The following RPA1 variants were observed in gnomAD, a reference collection of about 807,000 sequenced individuals.
The protein encoded by RPA1 is replication protein A1, also known as replication protein A 70 kDa DNA-binding subunit.
Under a neutral mutation model 83.0 loss-of-function variants are expected in RPA1, and 49 were observed. The ratio of observed to expected loss-of-function variants is 0.59; its 90% confidence interval spans 0.47 to 0.75. The LOEUF is 0.75. Among genes scored for constraint, RPA1 ranks in the 30% least tolerant of loss-of-function variants. The pLI, the probability that RPA1 is intolerant of heterozygous loss-of-function variation, is 0.00. For synonymous variants in RPA1, 279 were observed against 281.8 expected (o/e 0.99, Z 0.10); for missense variants, 693 against 776.1 (o/e 0.89, Z 1.27).
chr17:1,839,788 G>GTTTTTTTTTTTTTTTTTTTTTTTTT (rs71150821), intron 1 of RPA1, among the ~76,000 whole-genome samples: 1 of 68,952 alleles, frequency 1.5e-5, no homozygotes, highest in Non-Finnish European at 2.8e-5. Flanking sequence ...CGCCCAGCTA[G>GTTTTTTTTTTTTTTTTTTTTTTTTT]TTTTTTTTTT....
At chr17:1,841,986 T>C (rs1444195278) in intron 1 of RPA1, among the ~76,000 whole-genome samples, 3 of 152,098 alleles carry the variant, frequency 2.0e-5, no homozygotes, top group African/African-American at 7.2e-5. Context: ...ATATTATCCA[T>C]TTTATATAGT....
chr17:1,887,559 G>GAA (rs961322361), intron 13 of RPA1, among the ~76,000 whole-genome samples: 1 of 119,988 alleles, frequency 8.3e-6, no homozygotes. Context: ...CTCCGTCTCA[G>GAA]AAAAAAAAAA....
chr17:1,858,906 T>TA (rs1165515270), intron 5 of RPA1, among the ~76,000 whole-genome samples: 3 of 81,312 alleles, frequency 3.7e-5, no homozygotes, highest in African/African-American at 1.2e-4. Context: ...TTTATTTTAT[T>TA]TTTTTTTTTT....
intron 1 of RPA1, among the ~76,000 whole-genome samples, chr17:1,832,729 C>CTG (rs1169896341): frequency 6.6e-6 from 1 of 152,106 alleles, no homozygotes; most frequent in East Asian, 1.9e-4. Context: ...AGATACTAAA[C>CTG]TGTTTCTTTT....
chr17:1,877,127 C>A, intron 7 of RPA1, 85 bp from the exon 8 acceptor site: 1 of 1,285,510 alleles, frequency 7.8e-7, no homozygotes, highest in Non-Finnish European at 1.1e-6. Context: ...ATGCGTAAGA[C>A]GAGAAAGGCT....
rs57509401 is a variant in RPA1, at chr17:1,862,194, A to ATTT, written c.361+9028_361+9030dup. ...GGCGTGAGCCACCGCCCCCAACCGT[A>ATTT]TTTTTTTTTTTTTTTTTTTTTTTTT... On this transcript the variant is annotated intron_variant, in intron 5 of 16. Coordinates refer to ENST00000254719, the MANE Select transcript of RPA1 (RefSeq NM_002945.5). 3.8e-3 allele frequency among the ~76,000 whole-genome samples: 353 copies of ATTT among 93,126 alleles called. 1 individual carries two copies. The highest frequency in any genetic ancestry group is 9.0e-3 in the African/African-American group (174 of 19,342). The allele number at this position is 93,126 out of a possible 152,430, so 61.1% of individuals were successfully genotyped here.
chr17:1,844,652 C>T lies in RPA1; in HGVS notation c.238C>T (p.His80Tyr), dbSNP rs766103262. The T allele has an allele frequency of 6.2e-7, 1 of 1,613,612 alleles. No homozygotes were observed. Among genetic ancestry groups the T allele is most frequent in the East Asian group, 2.2e-5 (1 of 44,874 alleles). Residue 80 changes from histidine (H) to tyrosine (Y), a missense_variant, in exon 4 of 17, where the codon CAC becomes TAC. His to Tyr is a moderately conservative substitution (Grantham distance 83). Coordinates refer to ENST00000254719, the MANE Select transcript of RPA1 (RefSeq NM_002945.5). Reference protein sequence around the residue: ...QLSSNCVCQIHRFIVNTLKDG... With the variant: ...QLSSNCVCQIYRFIVNTLKDG... The stretch of plus-strand genomic sequence containing the variant: ...GTCCAGCAACTGTGTATGCCAGATT[C>T]ACAGATTTATTGTGAACACTCTGAA...
chr17:1,854,478 C>T (rs1473646179), intron 5 of RPA1, among the ~76,000 whole-genome samples: 1 of 152,094 alleles, frequency 6.6e-6, no homozygotes, highest in Non-Finnish European at 1.5e-5. Flanking sequence ...GGTGGAAGAA[C>T]TGCTTTGAGT....
At chr17:1,858,632 T>A (rs1211142694) in intron 5 of RPA1, among the ~76,000 whole-genome samples, 3 of 150,966 alleles carry the variant, frequency 2.0e-5, no homozygotes, top group African/African-American at 4.9e-5. Flanking sequence ...CCTGGCTAAT[T>A]TTTTATATTT....
intron 12 of RPA1, 96 bp downstream of exon 12, chr17:1,880,787 C>G: frequency 6.6e-7 from 1 of 1,521,804 alleles, no homozygotes; most frequent in Non-Finnish European, 8.9e-7. Flanking sequence ...AAGCAGAAGC[C>G]TTCGTCCCTG....
chr17:1,847,578 A>G (rs536441751), intron 4 of RPA1, among the ~76,000 whole-genome samples: 3 of 152,324 alleles, frequency 2.0e-5, no homozygotes, highest in African/African-American at 7.2e-5. Context: ...ATTCAGGTTT[A>G]TTCTAAACAG....
intron 5 of RPA1, among the ~76,000 whole-genome samples, chr17:1,853,698 A>T (rs1047719363): frequency 2.6e-5 from 4 of 152,226 alleles, no homozygotes; most frequent in African/African-American, 9.6e-5. Context: ...AAAGTAAGAA[A>T]GTAATGGACA....
At chr17:1,841,535 C>G (rs1041797359) in intron 1 of RPA1, among the ~76,000 whole-genome samples, 1 of 152,166 alleles carries the variant, frequency 6.6e-6, no homozygotes, top group Non-Finnish European at 1.5e-5. Flanking sequence ...AACTCCTGAG[C>G]TCAAGTGATT....
At chr17:1,876,994 G>A (rs1913596557) in intron 7 of RPA1, among the ~76,000 whole-genome samples, 1 of 152,186 alleles carries the variant, frequency 6.6e-6, no homozygotes, top group Non-Finnish European at 1.5e-5. Flanking sequence ...TTTGACAGGA[G>A]AATGAGTTAG....
chr17:1,865,185 G>A (rs149800798), intron 5 of RPA1, among the ~76,000 whole-genome samples: 3 of 152,270 alleles, frequency 2.0e-5, no homozygotes, highest in African/African-American at 4.8e-5. Context: ...CGTGAATGAG[G>A]CAGTGAAGTA....
intron 13 of RPA1, among the ~76,000 whole-genome samples, chr17:1,886,408 C>T (rs753486470): frequency 5.9e-5 from 9 of 152,208 alleles, no homozygotes; most frequent in Admixed American, 2.6e-4. Flanking sequence ...GCTGCATTCG[C>T]GCCTAACAGG....
At chr17:1,833,982 G>T (rs1453269597) in intron 1 of RPA1, among the ~76,000 whole-genome samples, 1 of 152,226 alleles carries the variant, frequency 6.6e-6, no homozygotes, top group Admixed American at 6.5e-5. Context: ...AGGAGTTCGA[G>T]ATCAGCCTGG....
At chr17:1,880,764 G>A in intron 12 of RPA1, 73 bp downstream of exon 12, 11 of 1,578,242 alleles carry the variant, frequency 7.0e-6, no homozygotes, top group Non-Finnish European at 9.5e-6. Flanking sequence ...AATCAGCATG[G>A]GAGCTTTCTG....
chr17:1,849,272 A>G (rs1181569852), intron 4 of RPA1, among the ~76,000 whole-genome samples: 1 of 146,448 alleles, frequency 6.8e-6, no homozygotes, highest in Non-Finnish European at 1.5e-5. Flanking sequence ...TTTCCCTCCA[A>G]ATTTTTGTTG....
Sources: allele counts gnomAD v4.1 joint callset (sites outside exome capture counted in the v4.1 genomes callset), GRCh38; gene constraint gnomAD v4.1.1; transcripts MANE v1.5; gene names NCBI Gene and HGNC (gene_info 2026-07-23, HGNC 2026-07-21).